IGSF5: variants seen among roughly 807,000 people sequenced by gnomAD.
IGSF5 encodes immunoglobulin superfamily member 5.
A neutral mutation model predicts 39.4 loss-of-function variants in IGSF5; 41 were observed. That is an observed-to-expected ratio of 1.04 (90% CI 0.81 to 1.35). IGSF5 has a LOEUF of 1.35. IGSF5 is among the 40% of genes most tolerant of loss of function. The pLI, the probability that IGSF5 is intolerant of heterozygous loss-of-function variation, is 0.00. For missense variants in IGSF5, 487 were observed against 494.6 expected (o/e 0.98, Z 0.15); for synonymous variants, 183 against 175.3 (o/e 1.04, Z -0.34).
At chr21:39,720,623 A>C in the IGSF5 span, among the ~76,000 whole-genome samples, 1 of 152,238 alleles carries the variant, frequency 6.6e-6, no homozygotes, top group Non-Finnish European at 1.5e-5. Flanking sequence ...GTAGAGCATA[A>C]GAAGACATGA....
intron 4 of IGSF5, among the ~76,000 whole-genome samples, chr21:39,775,614 A>G (rs1376045406): frequency 1.3e-5 from 2 of 152,198 alleles, no homozygotes; most frequent in Admixed American, 1.3e-4. Flanking sequence ...GTTAAAGCAC[A>G]TGGTAAAGTC....
chr21:39,778,265 C>G (rs945714278), intron 4 of IGSF5, among the ~76,000 whole-genome samples: 1 of 152,150 alleles, frequency 6.6e-6, no homozygotes, highest in East Asian at 1.9e-4. Context: ...GCAACTGAGG[C>G]ACTGAATATT....
At chr21:39,771,861 G>A (rs1325497074) in intron 4 of IGSF5, among the ~76,000 whole-genome samples, 2 of 152,150 alleles carry the variant, frequency 1.3e-5, no homozygotes, top group Admixed American at 1.3e-4. Flanking sequence ...GGGTGGGCCC[G>A]GGATGCTGGA....
chr21:39,770,846 A>G (rs2080109972), intron 3 of IGSF5, 70 bp from the exon 4 acceptor site: 3 of 1,184,588 alleles, frequency 2.5e-6, no homozygotes, highest in Admixed American at 6.2e-5. Context: ...AAAAAAGAAA[A>G]AAAAAAAGAA....
chr21:39,788,101 T>C, intron 5 of IGSF5, 66 bp from the exon 6 acceptor site: 1 of 1,290,396 alleles, frequency 7.7e-7, no homozygotes, highest in Non-Finnish European at 1.1e-6. Flanking sequence ...GTATAAAAAT[T>C]AATGAGACTC....
At chr21:39,753,594 T>C (rs948645266) in intron 2 of IGSF5, among the ~76,000 whole-genome samples, 1 of 152,218 alleles carries the variant, frequency 6.6e-6, no homozygotes, top group African/African-American at 2.4e-5. Flanking sequence ...CCCACTATTA[T>C]TGTGTTGCTG....
chr21:39,783,185 G>A (rs2080180460), intron 5 of IGSF5, among the ~76,000 whole-genome samples: 3 of 152,096 alleles, frequency 2.0e-5, no homozygotes. Context: ...CAATAAATGT[G>A]GGGGTGCAGA....
At chr21:39,745,636 C>T (rs1423886553) in intron 1 of IGSF5, 110 bp downstream of exon 1, 6 of 662,830 alleles carry the variant, frequency 9.1e-6, no homozygotes, top group East Asian at 2.7e-5. Flanking sequence ...TCTAGTTGGC[C>T]CTTGGTTTCC....
intron 3 of IGSF5, among the ~76,000 whole-genome samples, chr21:39,770,057 A>G (rs1228416364): frequency 5.1e-3 from 2 of 394 alleles, no homozygotes; most frequent in African/African-American, 0.02. Context: ...TTGGGAACAA[A>G]TTTTTTCATT....
At chr21:39,728,165 CA>C in the IGSF5 span, among the ~76,000 whole-genome samples, 571 of 152,074 alleles carry the variant, frequency 3.8e-3, 3 homozygotes, top group African/African-American at 0.013. Context: ...ATTGTGTCCC[CA>C]AAAAGATATG....
chr21:39,797,368 G>T (rs754027359), intron 8 of IGSF5, among the ~76,000 whole-genome samples: 3 of 151,956 alleles, frequency 2.0e-5, no homozygotes, highest in Admixed American at 6.6e-5. Flanking sequence ...ATAGGCGTCT[G>T]CCACCATGCC....
intron 2 of IGSF5, among the ~76,000 whole-genome samples, chr21:39,755,586 CAA>C (rs11331220): frequency 0.014 from 1,824 of 133,992 alleles, 31 homozygotes; most frequent in African/African-American, 0.019. Context: ...GACTCCATCT[CAA>C]AAAAAAAAAA....
At chr21:39,776,339 A>C (rs2080140720) in intron 4 of IGSF5, among the ~76,000 whole-genome samples, 1 of 152,098 alleles carries the variant, frequency 6.6e-6, no homozygotes, top group African/African-American at 2.4e-5. Context: ...CAGTGGATTA[A>C]AGGGAGACTT....
At chr21:39,757,964 CG>C (rs1451207765) in intron 2 of IGSF5, among the ~76,000 whole-genome samples, 1 of 151,850 alleles carries the variant, frequency 6.6e-6, no homozygotes, top group East Asian at 1.9e-4. Flanking sequence ...ACACCAGCTG[CG>C]GGGGGTGGAG....
chr21:39,775,345 T>A (rs1049786582), intron 4 of IGSF5, among the ~76,000 whole-genome samples: 1 of 151,988 alleles, frequency 6.6e-6, no homozygotes, highest in African/African-American at 2.4e-5. Context: ...GGAAAGGGAG[T>A]GATTGTCATT....
chr21:39,711,839 C>CT, the IGSF5 span, among the ~76,000 whole-genome samples: 1 of 152,138 alleles, frequency 6.6e-6, no homozygotes, highest in Non-Finnish European at 1.5e-5. Flanking sequence ...CACCAGAAGC[C>CT]TCTTTTTTAA....
chr21:39,736,871 C>T, the IGSF5 span, among the ~76,000 whole-genome samples: 1 of 152,164 alleles, frequency 6.6e-6, no homozygotes, highest in Non-Finnish European at 1.5e-5. Flanking sequence ...GCTTTGCTGG[C>T]CAGCCCTCAC....
chr21:39,757,438 T>TGGC (rs2080037154), intron 2 of IGSF5, among the ~76,000 whole-genome samples: 1 of 151,710 alleles, frequency 6.6e-6, no homozygotes, highest in African/African-American at 2.4e-5. Context: ...TGGCGGGTGG[T>TGGC]GTAAGACGAT....
intron 2 of IGSF5, among the ~76,000 whole-genome samples, chr21:39,754,316 C>T (rs1421803441): frequency 1.3e-5 from 2 of 152,348 alleles, no homozygotes; most frequent in East Asian, 1.9e-4. Context: ...GATAGGACTT[C>T]AATCCCTTCT....
Sources: gnomAD v4.1 joint callset for allele counts (sites outside exome capture counted in the v4.1 genomes callset) on GRCh38, gnomAD v4.1.1 for gene constraint, MANE v1.5 for transcripts, NCBI Gene and HGNC (gene_info 2026-07-23, HGNC 2026-07-21) for gene names.